IRGM: variants seen among roughly 807,000 people sequenced by gnomAD.
The protein encoded by IRGM is immunity related GTPase M, also known as immunity-related GTPase family M protein.
For missense variants in IRGM, 288 were observed against 219.9 expected, an observed-to-expected ratio of 1.31 and a Z score of -1.96; for synonymous variants, 98 against 80.6, an observed-to-expected ratio of 1.22 and a Z score of -1.16.
chr5:150,900,068 A>G (rs1219366376), intron 3 of IRGM, among the ~76,000 whole-genome samples: 6 of 152,026 alleles, frequency 3.9e-5, no homozygotes, highest in Non-Finnish European at 5.9e-5. Context: ...TAATTTTCCT[A>G]TTGTACATAT....
At chr5:150,853,253 T>C (rs1033785813), downstream of IRGM, among the ~76,000 whole-genome samples, 2 of 152,194 alleles carry the variant, frequency 1.3e-5, no homozygotes, top group Non-Finnish European at 2.9e-5. Context: ...GTTTTTCTTC[T>C]GATATTTTCA....
In IRGM at chr5:150,857,971, T is replaced by C. The variant is rs1484679319; in HGVS notation, c.158+9317T>C. ...AATTTTGGCTTTTGTTGCCATTGCTTTTGGTGTTTTAAACATGAAGTCCTT... is the reference window on the plus strand; with the variant it reads ...AATTTTGGCTTTTGTTGCCATTGCTCTTGGTGTTTTAAACATGAAGTCCTT... On this transcript the variant is annotated intron_variant and NMD_transcript_variant, in intron 1 of 3. Transcript: ENST00000520549. 3.3e-5 allele frequency among the ~76,000 whole-genome samples: 5 copies of C among 152,100 alleles called. No individual in the cohort carries two copies. In the East Asian group the frequency reaches 9.6e-4, roughly 29 times the overall value.
intron 3 of IRGM, among the ~76,000 whole-genome samples, chr5:150,898,854 A>G (rs907612364): frequency 6.6e-6 from 1 of 152,120 alleles, no homozygotes; most frequent in Non-Finnish European, 1.5e-5. Flanking sequence ...GGAAAAGAAT[A>G]ATGCTGAAGA....
chr5:150,869,335 G>T (rs931125246), intron 1 of IRGM, among the ~76,000 whole-genome samples: 9 of 152,102 alleles, frequency 5.9e-5, no homozygotes. Flanking sequence ...AAACCCATTT[G>T]ATCATGGTGG....
At chr5:150,899,094 A>C (rs1240718788) in intron 3 of IRGM, among the ~76,000 whole-genome samples, 3 of 152,080 alleles carry the variant, frequency 2.0e-5, no homozygotes, top group African/African-American at 7.2e-5. Flanking sequence ...AAAAAAGAAG[A>C]TAGTTATAAA....
At chr5:150,878,061 C>CA (rs1402772073) in exon 2 of IRGM, 1 of 460,578 alleles carries the variant, frequency 2.2e-6, no homozygotes, top group Non-Finnish European at 4.4e-6. Flanking sequence ...AAAAGCAAGA[C>CA]AAAGAAATAC....
chr5:150,863,733 C>T (rs991322313), intron 1 of IRGM, among the ~76,000 whole-genome samples: 1 of 152,180 alleles, frequency 6.6e-6, no homozygotes, highest in African/African-American at 2.4e-5. Context: ...GATCCAGAAA[C>T]TTCATAACTG....
At chr5:150,875,063 A>G (rs1302692347) in intron 1 of IRGM, among the ~76,000 whole-genome samples, 1 of 152,192 alleles carries the variant, frequency 6.6e-6, no homozygotes, top group East Asian at 1.9e-4. Context: ...AAGCACACGT[A>G]AGTTACATGA....
chr5:150,869,482 T>C (rs1754251891), intron 1 of IRGM, among the ~76,000 whole-genome samples: 1 of 152,152 alleles, frequency 6.6e-6, no homozygotes, highest in South Asian at 2.1e-4. Flanking sequence ...ATTAGGGTGA[T>C]ACTAACTTCA....
intron 3 of IRGM, among the ~76,000 whole-genome samples, chr5:150,885,492 C>T (rs570027064): frequency 1.1e-4 from 16 of 152,048 alleles, no homozygotes; most frequent in Middle Eastern, 6.8e-3. Context: ...AGCATTGAAT[C>T]GGTTATTTGG....
At chr5:150,895,554 G>C in intron 3 of IRGM, 1 of 1,613,536 alleles carries the variant, frequency 6.2e-7, no homozygotes, top group Admixed American at 1.7e-5. Flanking sequence ...AACAAGGTCT[G>C]ACTTCTGAGA....
intron 1 of IRGM, among the ~76,000 whole-genome samples, chr5:150,856,358 G>A (rs1754049109): frequency 6.6e-6 from 1 of 152,114 alleles, no homozygotes; most frequent in Non-Finnish European, 1.5e-5. Context: ...TTGAACCTGG[G>A]AGGCAGAGGC....
At chr5:150,865,631 T>A (rs1398717048) in intron 1 of IRGM, among the ~76,000 whole-genome samples, 1 of 152,138 alleles carries the variant, frequency 6.6e-6, no homozygotes, top group Non-Finnish European at 1.5e-5. Context: ...GAGGAAAAAT[T>A]CACCAGGACT....
intron 1 of IRGM, among the ~76,000 whole-genome samples, chr5:150,870,503 CA>C: frequency 6.9e-6 from 1 of 145,466 alleles, no homozygotes; most frequent in Middle Eastern, 3.6e-3. Flanking sequence ...TTTTGCTATA[CA>C]ACTCCTTTTT....
At chr5:150,857,200 C>T (rs908010779) in intron 1 of IRGM, among the ~76,000 whole-genome samples, 5 of 151,498 alleles carry the variant, frequency 3.3e-5, no homozygotes, top group East Asian at 1.9e-4. Context: ...TTTGTCCTTG[C>T]GATAGTTTGC....
At chr5:150,860,371 C>T (rs1754119274) in intron 1 of IRGM, among the ~76,000 whole-genome samples, 2 of 152,148 alleles carry the variant, frequency 1.3e-5, no homozygotes, top group Admixed American at 1.3e-4. Context: ...ATTGGATAAT[C>T]TTTGAGTTTC....
At chr5:150,887,800 T>C (rs1041035169) in intron 3 of IRGM, among the ~76,000 whole-genome samples, 1 of 151,636 alleles carries the variant, frequency 6.6e-6, no homozygotes, top group African/African-American at 2.4e-5. Flanking sequence ...TCACATGAGG[T>C]CTTGAAAGGA....
intron 1 of IRGM, among the ~76,000 whole-genome samples, chr5:150,857,671 G>C (rs1173767355): frequency 6.6e-6 from 1 of 151,360 alleles, no homozygotes; most frequent in Non-Finnish European, 1.5e-5. Flanking sequence ...GCATTTCTCT[G>C]ATGGCCAGTG....
chr5:150,859,727 A>G (rs1220300125), intron 1 of IRGM, among the ~76,000 whole-genome samples: 5 of 152,300 alleles, frequency 3.3e-5, no homozygotes, highest in South Asian at 2.1e-4. Flanking sequence ...AGGTGTTTAT[A>G]GTATTCTCTG....
Sources: gnomAD v4.1 joint callset for allele counts (sites outside exome capture counted in the v4.1 genomes callset) on GRCh38, gnomAD v4.1.1 for gene constraint, MANE v1.5 for transcripts, NCBI Gene and HGNC (gene_info 2026-07-23, HGNC 2026-07-21) for gene names.